The following SBF2 variants were observed in gnomAD, a reference collection of about 807,000 sequenced individuals.
SBF2 encodes myotubularin-related protein 13.
Under a neutral mutation model 225.2 loss-of-function variants are expected in SBF2, and 112 were observed. The observed-to-expected ratio is 0.50, with a 90% confidence interval of 0.43 to 0.58. SBF2 has a LOEUF of 0.58. SBF2 is among the 20% of genes least tolerant of loss of function. The probability of loss-of-function intolerance (pLI) is 0.00; values close to 1 mark genes in which losing one functional copy is unlikely to be tolerated. For missense variants in SBF2, 1,996 were observed against 2,206.2 expected (o/e 0.90, Z 1.91); for synonymous variants, 763 against 773.3 (o/e 0.99, Z 0.22).
At chr11:9,802,275 T>C (rs1333599316) in intron 32 of SBF2, among the ~76,000 whole-genome samples, 1 of 152,196 alleles carries the variant, frequency 6.6e-6, no homozygotes, top group Non-Finnish European at 1.5e-5. Context: ...CTAAGCCAAT[T>C]TCTTTTAGAA....
intron 1 of SBF2, among the ~76,000 whole-genome samples, chr11:10,272,584 C>G (rs1962584743): frequency 6.6e-6 from 1 of 151,940 alleles, no homozygotes; most frequent in Non-Finnish European, 1.5e-5. Flanking sequence ...CCAGCCAGGG[C>G]AACACGGCAA....
intron 1 of SBF2, among the ~76,000 whole-genome samples, chr11:10,248,142 C>T (rs913468913): frequency 3.9e-5 from 6 of 152,168 alleles, no homozygotes; most frequent in Non-Finnish European, 8.8e-5. Context: ...ATTACCCATG[C>T]CCCCTAGCTA....
rs1349444384 is a variant in SBF2, at chr11:9,780,467, C to T, written c.5501G>A (p.Ser1834Asn). The T allele has an allele frequency of 6.2e-7, 1 of 1,614,200 alleles. No individual in the cohort carries two copies. Among genetic ancestry groups the T allele is most frequent in the Non-Finnish European group, 8.5e-7 (1 of 1,180,032 alleles). ...VYNFCAQDGQ[S>N]AQQWMDKIQS... is the part of the protein sequence containing the mutation. ...GATCTTGTCCATCCATTGCTGGGCACTCTGTCCATCCTGGGCGCAGAAGTT... is the reference window on the plus strand; with the variant it reads ...GATCTTGTCCATCCATTGCTGGGCATTCTGTCCATCCTGGGCGCAGAAGTT... The change falls in exon 40 of 40, where the codon AGT becomes AAT. Residue 1834 changes from serine to asparagine, a missense_variant. Coordinates refer to ENST00000256190, the MANE Select transcript of SBF2 (RefSeq NM_030962.4).
chr11:10,267,877 C>G (rs1164523457), intron 1 of SBF2, among the ~76,000 whole-genome samples: 1 of 152,154 alleles, frequency 6.6e-6, no homozygotes, highest in African/African-American at 2.4e-5. Context: ...GTTTCACTAT[C>G]TTAAATGAAT....
chr11:10,085,259 T>A (rs1228692510), intron 2 of SBF2, among the ~76,000 whole-genome samples: 3 of 152,222 alleles, frequency 2.0e-5, no homozygotes, highest in African/African-American at 4.8e-5. Flanking sequence ...CACTGTTTCT[T>A]TTAATCCCTT....
intron 2 of SBF2, among the ~76,000 whole-genome samples, chr11:10,137,563 T>A (rs1209897783): frequency 2.0e-5 from 3 of 152,214 alleles, no homozygotes; most frequent in African/African-American, 7.2e-5. Flanking sequence ...GCTGAAGCAG[T>A]TCCCCTCTAT....
chr11:10,155,348 A>G (rs1955417856), intron 2 of SBF2, among the ~76,000 whole-genome samples: 1 of 152,236 alleles, frequency 6.6e-6, no homozygotes, highest in Admixed American at 6.5e-5. Context: ...TAAATTTTGT[A>G]ACACTGTTGC....
rs537714263 is a variant in SBF2 at position 10,081,556 on chromosome 11, C to G, written c.142-38575G>C. Among the ~76,000 whole-genome samples, 9 of 152,036 alleles carry G rather than the reference C, an allele frequency of 5.9e-5. No homozygotes were observed. In the East Asian group the frequency reaches 1.7e-3, roughly 29 times the overall value. On this transcript the variant is annotated intron_variant, in intron 2 of 39. Transcript: ENST00000256190. Reference sequence around the variant, plus strand: ...GATAGATCGTCTGAGGTCAGGAGATCGAGACCATCCTGGCTAACATGGTGA... The same window carrying G: ...GATAGATCGTCTGAGGTCAGGAGATGGAGACCATCCTGGCTAACATGGTGA...
chr11:9,846,257 C>T (rs748390233), intron 23 of SBF2, among the ~76,000 whole-genome samples: 20 of 152,140 alleles, frequency 1.3e-4, no homozygotes, highest in Non-Finnish European at 2.5e-4. Flanking sequence ...AGATCAGCAG[C>T]CTTACATTTC....
chr11:9,934,384 G>A (rs972371401), intron 16 of SBF2, among the ~76,000 whole-genome samples: 6 of 152,178 alleles, frequency 3.9e-5, no homozygotes, highest in Non-Finnish European at 8.8e-5. Flanking sequence ...GGTACAAAGA[G>A]GAGCTGGTAC....
chr11:10,057,605 C>G (rs1950298296), intron 2 of SBF2, among the ~76,000 whole-genome samples: 1 of 152,184 alleles, frequency 6.6e-6, no homozygotes, highest in East Asian at 1.9e-4. Context: ...GCAAATGACC[C>G]TTGGCCACAA....
chr11:10,126,675 C>T (rs766709414), intron 2 of SBF2, among the ~76,000 whole-genome samples: 1 of 152,082 alleles, frequency 6.6e-6, no homozygotes, highest in Non-Finnish European at 1.5e-5. Context: ...AACAATTTTA[C>T]TTCTGGGTAT....
At chr11:9,793,879 G>A (rs11042498) in intron 33 of SBF2, among the ~76,000 whole-genome samples, 78,638 of 152,060 alleles carry the variant, frequency 0.52, 22,156 homozygotes, top group Non-Finnish European at 0.64. Flanking sequence ...ACCATCATCT[G>A]CTATAGGAGA....
At chr11:10,080,710 A>T (rs1951331961) in intron 2 of SBF2, among the ~76,000 whole-genome samples, 1 of 152,186 alleles carries the variant, frequency 6.6e-6, no homozygotes, top group Non-Finnish European at 1.5e-5. Flanking sequence ...TATTCTGCTT[A>T]TGAGAAATTT....
chr11:10,233,398 C>A (rs1196309091), intron 1 of SBF2, among the ~76,000 whole-genome samples: 3 of 151,960 alleles, frequency 2.0e-5, no homozygotes, highest in African/African-American at 7.2e-5. Flanking sequence ...CTCCCCTACC[C>A]TCCCCACCAA....
intron 9 of SBF2, among the ~76,000 whole-genome samples, chr11:9,994,573 T>A (rs1183665506): frequency 7.0e-6 from 1 of 143,844 alleles, no homozygotes; most frequent in Non-Finnish European, 1.5e-5. Flanking sequence ...AATCTATATA[T>A]GTACATATAT....
At chr11:10,093,751 T>C (rs11042621) in intron 2 of SBF2, among the ~76,000 whole-genome samples, 69,456 of 152,020 alleles carry the variant, frequency 0.46, 16,352 homozygotes, top group Admixed American at 0.56. Flanking sequence ...AAGGTTAGCC[T>C]GAAATACCTT....
intron 26 of SBF2, among the ~76,000 whole-genome samples, chr11:9,837,614 T>G (rs1855813883): frequency 6.6e-6 from 1 of 152,262 alleles, no homozygotes; most frequent in African/African-American, 2.4e-5. Context: ...TTTTAAAGTC[T>G]ACTTTGATAT....
intron 30 of SBF2, chr11:9,810,601 G>C (rs369073811): frequency 2.0e-5 from 3 of 152,222 alleles, no homozygotes; most frequent in Admixed American, 6.5e-5. Context: ...ACTCAGTAAT[G>C]AGAAGCTCCT....
Sources: allele counts gnomAD v4.1 joint callset (sites outside exome capture counted in the v4.1 genomes callset), GRCh38; gene constraint gnomAD v4.1.1; transcripts MANE v1.5; gene names NCBI Gene and HGNC (gene_info 2026-07-23, HGNC 2026-07-21).